Variants in TIMP2 observed in about 807,000 individuals in gnomAD.
TIMP2 encodes the protein metalloproteinase inhibitor 2.
TIMP2 carries 5 observed loss-of-function variants against 24.3 expected under a neutral mutation model. That is an observed-to-expected ratio of 0.21 (90% CI 0.11 to 0.43). The LOEUF (loss-of-function observed/expected upper bound fraction) is 0.43, where lower values mean the gene tolerates loss of function less well. Among genes scored for constraint, TIMP2 ranks in the 20% least tolerant of loss-of-function variants. The probability of loss-of-function intolerance (pLI) is 1.00; values close to 1 mark genes in which losing one functional copy is unlikely to be tolerated. For synonymous variants in TIMP2, 130 were observed against 123.2 expected, an observed-to-expected ratio of 1.06 and a Z score of -0.37; for missense variants, 221 against 297.5, an observed-to-expected ratio of 0.74 and a Z score of 1.89.
intron 1 of TIMP2, among the ~76,000 whole-genome samples, chr17:78,894,042 G>A (rs563650554): frequency 2.0e-5 from 3 of 152,274 alleles, no homozygotes; most frequent in South Asian, 2.1e-4. Context: ...GGAGTCAAAC[G>A]TAGTTGCAGC....
intron 1 of TIMP2, among the ~76,000 whole-genome samples, chr17:78,910,451 C>T (rs1265863275): frequency 6.6e-6 from 1 of 152,180 alleles, no homozygotes; most frequent in Non-Finnish European, 1.5e-5. Flanking sequence ...CCTTGGCCTC[C>T]CAAAGTGTTG....
In TIMP2 at chr17:78,857,567, C is replaced by T. The variant is rs766312719; in HGVS notation, c.420G>A (p.Gln140=). The T allele has an allele frequency of 1.9e-6, 3 of 1,614,218 alleles. No homozygotes were observed. The East Asian group carries it at 6.7e-5, about 36-fold the overall frequency. The change falls in exon 4 of 5, where the codon CAG becomes CAA. Residue 140 remains glutamine, a synonymous_variant. Coordinates refer to ENST00000262768, the MANE Select transcript of TIMP2 (RefSeq NM_003255.5). ...IVPWDTLSTT[Q]KKSLNHRYQM... Reference sequence around the variant, plus strand: ...GGTACCTGTGGTTCAGGCTCTTCTTCTGGGTGGTGCTCAGGGTGTCCCAGG... The same window carrying T: ...GGTACCTGTGGTTCAGGCTCTTCTTTTGGGTGGTGCTCAGGGTGTCCCAGG...
Position 78,925,119 on chromosome 17 carries a change from C to T in TIMP2, c.-31G>A. ...GCCGGGGGGCTGGGCGGGCGGGGGC[C>T]GCCGCTGGGGGGTCCGGGCGCTGCT... On this transcript the variant is annotated 5_prime_UTR_variant, in exon 1 of 5. Transcript: ENST00000262768. 1.2e-6 allele frequency: 1 copy of T among 836,910 alleles called. No homozygotes were observed. Among genetic ancestry groups the T allele is most frequent in the Non-Finnish European group, 1.4e-6 (1 of 698,940 alleles). 51.8% of individuals were successfully genotyped at this position (836,910 alleles called of 1,614,324 possible). A position where few individuals can be genotyped will look rare whatever the true frequency, so the allele number is the denominator to read the frequency against.
intron 3 of TIMP2, among the ~76,000 whole-genome samples, chr17:78,858,447 TAA>T (rs1026027010): frequency 2.1e-5 from 3 of 142,014 alleles, no homozygotes; most frequent in Non-Finnish European, 4.6e-5. Context: ...AGACTCAGTC[TAA>T]AAAAAAAAAA....
At chr17:78,868,939 G>A (rs2145752349) in intron 3 of TIMP2, among the ~76,000 whole-genome samples, 1 of 152,248 alleles carries the variant, frequency 6.6e-6, no homozygotes, top group East Asian at 1.9e-4. Flanking sequence ...CATGTAGAGG[G>A]TGGGGGCCAG....
At chr17:78,915,183 C>A (rs954571448) in intron 1 of TIMP2, among the ~76,000 whole-genome samples, 2 of 152,180 alleles carry the variant, frequency 1.3e-5, no homozygotes, top group Non-Finnish European at 2.9e-5. Context: ...AGGCGTGAGT[C>A]ACTGCAACCG....
intron 2 of TIMP2, among the ~76,000 whole-genome samples, chr17:78,872,783 T>C (rs1446918190): frequency 1.3e-5 from 2 of 152,144 alleles, no homozygotes; most frequent in Non-Finnish European, 2.9e-5. Context: ...CATGTGATGA[T>C]GAAGCATTCC....
chr17:78,923,750 T>A (rs544724159), intron 1 of TIMP2, among the ~76,000 whole-genome samples: 2 of 152,162 alleles, frequency 1.3e-5, no homozygotes, highest in South Asian at 4.2e-4. Context: ...GTGATCTCAA[T>A]AGATTGGTGC....
intron 2 of TIMP2, among the ~76,000 whole-genome samples, chr17:78,872,289 C>T (rs985527286): frequency 6.6e-6 from 1 of 152,086 alleles, no homozygotes; most frequent in Non-Finnish European, 1.5e-5. Flanking sequence ...CTCCACCCAA[C>T]CTATATTTCC....
chr17:78,906,711 T>C (rs2070161808), intron 1 of TIMP2, among the ~76,000 whole-genome samples: 1 of 151,782 alleles, frequency 6.6e-6, no homozygotes, highest in African/African-American at 2.4e-5. Context: ...GCCTCCCGAG[T>C]AGCTGGGATT....
intron 1 of TIMP2, among the ~76,000 whole-genome samples, chr17:78,874,646 T>A (rs1599151046): frequency 6.6e-6 from 1 of 152,158 alleles, no homozygotes; most frequent in Non-Finnish European, 1.5e-5. Flanking sequence ...GGCACCGTTT[T>A]GGCTCACTGC....
Position 78,896,892 on chromosome 17 carries a change from C to G in TIMP2, c.131-22973G>C, listed in dbSNP as rs2070010385. ...ACCCCAGACCGATCCGATCCCAGCA[C>G]CTGGGCCCAGGAATGTGCTTGGCCA... On this transcript the variant is annotated intron_variant, in intron 1 of 4. Coordinates refer to ENST00000262768, the MANE Select transcript of TIMP2 (RefSeq NM_003255.5). This position sits in a 1 kb window ranked among gnomAD's most constrained non-coding sequence, Gnocchi z 4.4. 1 of 984,274 alleles carries G rather than the reference C, an allele frequency of 1.0e-6. No homozygotes were observed. Among genetic ancestry groups the G allele is most frequent in the East Asian group, 1.1e-4 (1 of 8,792 alleles). The allele number at this position is 984,274 out of a possible 1,614,324, so 61.0% of individuals were successfully genotyped here. A position where few individuals can be genotyped will look rare whatever the true frequency, so the allele number is the denominator to read the frequency against.
intron 1 of TIMP2, chr17:78,892,308 T>G (rs763454747): frequency 2.6e-6 from 4 of 1,550,676 alleles, no homozygotes. Flanking sequence ...GGACAGAGGC[T>G]CAGCCACATG....
chr17:78,865,950 C>T (rs1340295034), intron 3 of TIMP2, among the ~76,000 whole-genome samples: 1 of 152,116 alleles, frequency 6.6e-6, no homozygotes, highest in African/African-American at 2.4e-5. Context: ...GGCAGTGTGA[C>T]GAAACTGAGC....
intron 1 of TIMP2, among the ~76,000 whole-genome samples, chr17:78,884,357 C>T (rs748149973): frequency 6.6e-6 from 1 of 152,210 alleles, no homozygotes; most frequent in Non-Finnish European, 1.5e-5. Flanking sequence ...ACGTGAGGTC[C>T]GGGCCCAGGC....
intron 1 of TIMP2, among the ~76,000 whole-genome samples, chr17:78,919,547 A>T (rs566513448): frequency 6.6e-6 from 1 of 152,040 alleles, no homozygotes; most frequent in Non-Finnish European, 1.5e-5. Flanking sequence ...CTTGAAAAAG[A>T]CCATCTGCTG....
chr17:78,923,540 C>G (rs1413567210), intron 1 of TIMP2, among the ~76,000 whole-genome samples: 1 of 152,140 alleles, frequency 6.6e-6, no homozygotes, highest in Admixed American at 6.5e-5. Flanking sequence ...CCTGGACAGG[C>G]CTGCACTCCT....
At chr17:78,870,445 G>A (rs7219724) in intron 3 of TIMP2, among the ~76,000 whole-genome samples, 8 of 145,378 alleles carry the variant, frequency 5.5e-5, no homozygotes, top group Non-Finnish European at 7.5e-5. Flanking sequence ...AAGAAAGAAA[G>A]AAAGAAAATG....
At position 78,870,929 on chromosome 17, in the gene TIMP2, G is replaced by A. The variant is rs1350508069; in HGVS notation, c.309C>T (p.Asp103=). ...TGAGATATTCCTTCTTTCCTCCAAC[G>A]TCCAGCGAGACCCCACACACTGCCG... The part of the protein sequence containing the change: ...PSSAVCGVSL[D]VGGKKEYLIA... Residue 103 remains aspartate, a synonymous_variant, in exon 3 of 5, where the codon GAC becomes GAT. Transcript: ENST00000262768. The A allele has an allele frequency of 1.5e-5, 24 of 1,613,590 alleles. No homozygotes were observed. Among genetic ancestry groups the A allele is most frequent in the Middle Eastern group, 1.6e-4 (1 of 6,084 alleles).
Sources: gnomAD v4.1 joint callset for allele counts (sites outside exome capture counted in the v4.1 genomes callset) on GRCh38, gnomAD v4.1.1 for gene constraint, Gnocchi (gnomAD v3.1) non-coding constraint, MANE v1.5 for transcripts, NCBI Gene and HGNC (gene_info 2026-07-23, HGNC 2026-07-21) for gene names.